The following SUGCT variants were observed in gnomAD, a reference collection of about 807,000 sequenced individuals.
The protein encoded by SUGCT is succinyl-CoA:glutarate-CoA transferase.
A neutral mutation model predicts 55.0 loss-of-function variants in SUGCT; 41 were observed. The ratio of observed to expected loss-of-function variants is 0.74; its 90% CI spans 0.58 to 0.97. The LOEUF is 0.97. SUGCT is among the 50% of genes least tolerant of loss of function. The pLI, the probability that SUGCT is intolerant of heterozygous loss-of-function variation, is 0.00. For missense variants in SUGCT, 568 were observed against 547.8 expected, an observed-to-expected ratio of 1.04 and a Z score of -0.37; for synonymous variants, 187 against 200.4, an observed-to-expected ratio of 0.93 and a Z score of 0.56.
the SUGCT span, among the ~76,000 whole-genome samples, chr7:40,874,859 T>C: frequency 2.0e-5 from 3 of 152,230 alleles, no homozygotes; most frequent in African/African-American, 4.8e-5. Context: ...CAGTAGTGGT[T>C]ATGATTAATA....
the SUGCT span, among the ~76,000 whole-genome samples, chr7:40,991,814 C>T: frequency 5.0e-3 from 762 of 152,166 alleles, 31 homozygotes; most frequent in Non-Finnish European, 1.3e-3. Context: ...ACCTCCAGGA[C>T]GAGCACGTAT....
intron 13 of SUGCT, among the ~76,000 whole-genome samples, chr7:40,837,771 G>C (rs1377472934): frequency 6.6e-6 from 1 of 151,976 alleles, no homozygotes; most frequent in African/African-American, 2.4e-5. Context: ...CCACCACCAT[G>C]CCTGGCTAAT....
the SUGCT span, among the ~76,000 whole-genome samples, chr7:40,898,895 C>G: frequency 6.7e-6 from 1 of 148,858 alleles, no homozygotes; most frequent in African/African-American, 2.4e-5. Context: ...TCAAAACTTC[C>G]TAGGTACATG....
At chr7:40,212,983 A>T (rs1175822920) in intron 6 of SUGCT, among the ~76,000 whole-genome samples, 2 of 152,194 alleles carry the variant, frequency 1.3e-5, no homozygotes, top group African/African-American at 4.8e-5. Flanking sequence ...AATGTAAATA[A>T]TTTTTGTCAA....
At chr7:40,411,756 A>T (rs1786707812) in intron 9 of SUGCT, among the ~76,000 whole-genome samples, 1 of 152,192 alleles carries the variant, frequency 6.6e-6, no homozygotes. Context: ...ATTTCAAAAT[A>T]GCTAGACAGG....
At position 40,135,046 on chromosome 7, in the gene SUGCT, C is replaced by G. The variant is rs1787598861; in HGVS notation, c.26C>G (p.Ala9Gly). 1.3e-6 allele frequency: 2 copies of G among 1,561,726 alleles called. No individual in the cohort carries two copies. The highest frequency in any genetic ancestry group is 4.8e-5 in the East Asian group (2 of 41,514). Residue 9 changes from alanine to glycine, a missense_variant, in exon 1 of 14, where the codon GCA becomes GGA. Coordinates refer to ENST00000335693, the MANE Select transcript of SUGCT (RefSeq NM_001193313.2). MLATLARV[A>G]ALRRTCLFSG... is the part of the protein sequence containing the mutation. ...ATGCTGGCGACGCTGGCGAGGGTGGCAGCTCTGCGCAGAACCTGCCTCTTC... is the reference window on the plus strand; with the variant it reads ...ATGCTGGCGACGCTGGCGAGGGTGGGAGCTCTGCGCAGAACCTGCCTCTTC...
chr7:40,415,024 G>C (rs1786895004), intron 9 of SUGCT, among the ~76,000 whole-genome samples: 1 of 128,868 alleles, frequency 7.8e-6, no homozygotes, highest in Non-Finnish European at 1.6e-5. Context: ...CAACCTGGGT[G>C]ACAGAGCCAC....
chr7:40,180,881 G>T, intron 1 of SUGCT, 66 bp from the exon 2 acceptor site: 3 of 1,161,300 alleles, frequency 2.6e-6, no homozygotes, highest in Non-Finnish European at 3.9e-6. Flanking sequence ...AGCTTATAAT[G>T]GTGTATGTGA....
chr7:40,843,264 C>T (rs186097247), intron 13 of SUGCT, among the ~76,000 whole-genome samples: 16 of 152,274 alleles, frequency 1.1e-4, no homozygotes, highest in Non-Finnish European at 2.2e-4. Context: ...GTAATCTCAG[C>T]TCTTTGGGAG....
intron 12 of SUGCT, among the ~76,000 whole-genome samples, chr7:40,616,134 G>A (rs1199211637): frequency 6.6e-6 from 1 of 152,084 alleles, no homozygotes; most frequent in Non-Finnish European, 1.5e-5. Flanking sequence ...ACTGAACAAT[G>A]TATTTACATG....
At chr7:40,880,448 T>C in the SUGCT span, among the ~76,000 whole-genome samples, 2 of 152,180 alleles carry the variant, frequency 1.3e-5, no homozygotes, top group Non-Finnish European at 2.9e-5. Flanking sequence ...TCCATCAATC[T>C]TTCATCTTAT....
intron 12 of SUGCT, among the ~76,000 whole-genome samples, chr7:40,525,256 G>A (rs1793737829): frequency 6.6e-6 from 1 of 152,102 alleles, no homozygotes; most frequent in African/African-American, 2.4e-5. Context: ...AGAGTTACTG[G>A]AATGAACATT....
At chr7:40,730,463 A>G (rs975577754) in intron 12 of SUGCT, among the ~76,000 whole-genome samples, 12 of 152,212 alleles carry the variant, frequency 7.9e-5, no homozygotes, top group Admixed American at 6.5e-5. Context: ...ATATGCTGTG[A>G]TATTTTGGAA....
At chr7:40,816,153 GCCTTCTACAGTT>G (rs2128762254) in intron 13 of SUGCT, among the ~76,000 whole-genome samples, 1 of 152,334 alleles carries the variant, frequency 6.6e-6, no homozygotes, top group Admixed American at 6.5e-5. Flanking sequence ...CTGCTGAGGT[GCCTTCTACAGTT>G]CGGGCTGTGG....
the SUGCT span, among the ~76,000 whole-genome samples, chr7:40,944,318 C>T: frequency 2.6e-5 from 4 of 151,478 alleles, no homozygotes; most frequent in African/African-American, 7.3e-5. Context: ...GCTTTTGTTG[C>T]CATTGCTTTT....
At chr7:40,651,637 G>T (rs1424648491) in intron 12 of SUGCT, among the ~76,000 whole-genome samples, 1 of 152,054 alleles carries the variant, frequency 6.6e-6, no homozygotes, top group Non-Finnish European at 1.5e-5. Flanking sequence ...TCATCTCATA[G>T]AATTTTTTTA....
intron 7 of SUGCT, among the ~76,000 whole-genome samples, chr7:40,255,845 T>C (rs541969204): frequency 6.6e-6 from 1 of 152,242 alleles, no homozygotes; most frequent in East Asian, 1.9e-4. Flanking sequence ...TGTACATAGA[T>C]CTTTGAAATT....
At chr7:40,222,842 A>G (rs1309559992) in intron 6 of SUGCT, among the ~76,000 whole-genome samples, 1 of 151,952 alleles carries the variant, frequency 6.6e-6, no homozygotes, top group Non-Finnish European at 1.5e-5. Flanking sequence ...GTTGACCAGG[A>G]TGGTCTCGAT....
chr7:40,713,514 T>C (rs1436845612), intron 12 of SUGCT, among the ~76,000 whole-genome samples: 1 of 152,196 alleles, frequency 6.6e-6, no homozygotes, highest in Admixed American at 6.5e-5. Context: ...ATTCCAATAA[T>C]TTTATACCTA....
Sources: gnomAD v4.1 joint callset for allele counts (sites outside exome capture counted in the v4.1 genomes callset) on GRCh38, gnomAD v4.1.1 for gene constraint, MANE v1.5 for transcripts, NCBI Gene and HGNC (gene_info 2026-07-23, HGNC 2026-07-21) for gene names.